The following PREX1 variants were observed in gnomAD, a reference collection of about 807,000 sequenced individuals.
PREX1 encodes the protein phosphatidylinositol 3,4,5-trisphosphate-dependent Rac exchanger 1 protein.
Under a neutral mutation model 198.3 loss-of-function variants are expected in PREX1, and 41 were observed. The observed-to-expected ratio is 0.21, with a 90% CI of 0.16 to 0.27. The LOEUF (loss-of-function observed/expected upper bound fraction) is 0.27. PREX1 is among the 10% of genes least tolerant of loss of function. PREX1 has a pLI of 1.00. For missense variants in PREX1, 1,620 were observed against 2,200.7 expected, an observed-to-expected ratio of 0.74 and a Z score of 5.28; for synonymous variants, 843 against 887.2, an observed-to-expected ratio of 0.95 and a Z score of 0.89.
chr20:48,655,378 G>T lies in PREX1; in HGVS notation c.2124-3C>A. 6.4e-7 allele frequency: 1 copy of T among 1,554,992 alleles called. No individual in the cohort carries two copies. Among genetic ancestry groups the T allele is most frequent in the Non-Finnish European group, 8.7e-7 (1 of 1,144,278 alleles). On this transcript the variant is annotated splice_polypyrimidine_tract_variant and splice_region_variant and intron_variant, in intron 18 of 39. Transcript: ENST00000371941. Reference sequence around the variant, plus strand: ...GCTGGTCGGGGATTTTGATGATCCTGCACCAGGTAGAAGAGGCAGGGAAAA... The same window carrying T: ...GCTGGTCGGGGATTTTGATGATCCTTCACCAGGTAGAAGAGGCAGGGAAAA...
the PREX1 span, among the ~76,000 whole-genome samples, chr20:48,863,754 A>T: frequency 6.6e-6 from 1 of 151,610 alleles, no homozygotes; most frequent in Non-Finnish European, 1.5e-5. Flanking sequence ...CGCCTGGCTA[A>T]TTTTTGTATT....
intron 7 of PREX1, among the ~76,000 whole-genome samples, chr20:48,695,219 T>A (rs866755930): frequency 1.1e-4 from 17 of 152,310 alleles, no homozygotes; most frequent in South Asian, 8.3e-4. Context: ...CCCCATAGAT[T>A]TGCTTTGCCT....
chr20:48,710,674 T>C (rs369938113), intron 5 of PREX1, among the ~76,000 whole-genome samples: 26 of 152,334 alleles, frequency 1.7e-4, no homozygotes, highest in African/African-American at 5.5e-4. Context: ...CAAATAAATA[T>C]ATAATTTATA....
rs140171384 is a variant in PREX1 at position 48,692,624 on chromosome 20, GCAGGCAGGGCT to G, written c.1036+37_1036+47del. 7.7e-3 allele frequency: 10,813 copies of G among 1,409,168 alleles called. 635 individuals carry two copies. In the African/African-American group the frequency reaches 0.13, roughly 17 times the overall value. The allele number at this position is 1,409,168 out of a possible 1,614,324, so 87.3% of individuals were successfully genotyped here. ...AATGAAACAGAGAGAGTGCCAGGGA[GCAGGCAGGGCT>G]CAGGCAGGGCTCAGGCAAGGCTGGG... On this transcript the variant is annotated intron_variant, in intron 8 of 39. Transcript: ENST00000371941.
At chr20:48,797,403 C>G (rs2090367916) in intron 1 of PREX1, among the ~76,000 whole-genome samples, 1 of 150,122 alleles carries the variant, frequency 6.7e-6, no homozygotes, top group Admixed American at 6.7e-5. Flanking sequence ...CCCCAGGGCT[C>G]CAGCCCCCTC....
chr20:48,634,905 TG>T, intron 32 of PREX1, 130 bp from the exon 33 acceptor site: 1 of 705,724 alleles, frequency 1.4e-6, no homozygotes, highest in Non-Finnish European at 2.5e-6. Context: ...GTCCTGAGCG[TG>T]ACTCTCCAGA....
chr20:48,681,739 G>C (rs1471668604), intron 10 of PREX1, among the ~76,000 whole-genome samples: 1 of 149,840 alleles, frequency 6.7e-6, no homozygotes, highest in Admixed American at 6.7e-5. Context: ...CAGACAGCCA[G>C]CAGCACATGG....
the PREX1 span, among the ~76,000 whole-genome samples, chr20:48,848,894 G>A: frequency 3.3e-5 from 5 of 152,042 alleles, no homozygotes; most frequent in Non-Finnish European, 7.4e-5. Flanking sequence ...ACACCACTGT[G>A]CTCAGCTAAT....
intron 5 of PREX1, among the ~76,000 whole-genome samples, chr20:48,725,461 C>G (rs780257140): frequency 2.0e-4 from 30 of 152,368 alleles, no homozygotes; most frequent in Non-Finnish European, 1.0e-4. Context: ...AGCAGCAAAC[C>G]TTCCCTGCTT....
chr20:48,658,057 C>T (rs987446778), intron 17 of PREX1, 79 bp downstream of exon 17: 1 of 1,356,844 alleles, frequency 7.4e-7, no homozygotes, highest in African/African-American at 1.5e-5. Context: ...CTGGGCTGGG[C>T]TGCCTCAAGG....
chr20:48,791,562 T>C (rs555277465), intron 1 of PREX1, among the ~76,000 whole-genome samples: 4 of 152,242 alleles, frequency 2.6e-5, no homozygotes, highest in African/African-American at 9.6e-5. Flanking sequence ...CCAGCTGCCA[T>C]GGGGGTCCTC....
chr20:48,761,110 T>C (rs985413685), intron 1 of PREX1, among the ~76,000 whole-genome samples: 6 of 151,130 alleles, frequency 4.0e-5, no homozygotes, highest in Non-Finnish European at 4.5e-5. Flanking sequence ...GAAGATGGCA[T>C]TTGAGCAGAC....
chr20:48,699,035 G>C (rs1568829811), intron 7 of PREX1, among the ~76,000 whole-genome samples: 2 of 152,160 alleles, frequency 1.3e-5, no homozygotes, highest in African/African-American at 4.8e-5. Flanking sequence ...CTTTACAGAA[G>C]AGAAAACAAA....
chr20:48,864,994 A>G, the PREX1 span, among the ~76,000 whole-genome samples: 1 of 152,056 alleles, frequency 6.6e-6, no homozygotes, highest in Non-Finnish European at 1.5e-5. Flanking sequence ...GAAGCCACAC[A>G]CCTCAGGCAA....
At position 48,679,520 on chromosome 20, in the gene PREX1, G is replaced by C. The variant is rs550768317; in HGVS notation, c.1540-111C>G. 1.4e-5 allele frequency: 20 copies of C among 1,392,230 alleles called. No homozygotes were observed. The South Asian group carries it at 2.0e-4, about 14-fold the overall frequency. The allele number at this position is 1,392,230 out of a possible 1,614,324, so 86.2% of individuals were successfully genotyped here. A position where few individuals can be genotyped will look rare whatever the true frequency, so the allele number is the denominator to read the frequency against. ...CAGGACGGGGCAGGGCAGGGTAATG[G>C]GGGCAGGGGTGAGTTGTGGGCAGTG... On this transcript the variant is annotated intron_variant, in intron 12 of 39. Transcript: ENST00000371941.
chr20:48,852,216 A>C, the PREX1 span, among the ~76,000 whole-genome samples: 1 of 152,276 alleles, frequency 6.6e-6, no homozygotes, highest in South Asian at 2.1e-4. Context: ...CTACAGTCAA[A>C]GGTTAAGGAT....
In PREX1 at chr20:48,672,437, G is replaced by GC. The variant is rs529609213; in HGVS notation, c.1665+3755dup. Among the ~76,000 whole-genome samples the GC allele has an allele frequency of 3.4e-4, 52 of 152,364 alleles. No individual in the cohort carries two copies. The Middle Eastern group carries it at 0.01, about 30-fold the overall frequency. On this transcript the variant is annotated intron_variant, in intron 14 of 39. Transcript: ENST00000371941. Reference sequence around the variant, plus strand: ...GTTGCCTCCTACTGCCCTCCCTGCTGCCAGCATCATCCCTAAAGTCTCCAC... The same window carrying GC: ...GTTGCCTCCTACTGCCCTCCCTGCTGCCCAGCATCATCCCTAAAGTCTCCAC...
intron 1 of PREX1, among the ~76,000 whole-genome samples, chr20:48,748,769 TG>T (rs1003905958): frequency 6.6e-6 from 1 of 152,188 alleles, no homozygotes; most frequent in African/African-American, 2.4e-5. Flanking sequence ...ACCATTCATG[TG>T]GGGTCACGTG....
rs1304347957 is a variant in PREX1 at position 48,827,780 on chromosome 20, G to C, written c.81C>G (p.Ala27=). The part of the protein sequence containing the change: ...CAHPDPRAPG[A]AAPSSGPGPC... ...GGCCGGGGCCGGAGCTGGGCGCCGC[G>C]GCGCCAGGGGCCCGGGGGTCCGGGT... Residue 27 remains alanine, a synonymous_variant, in exon 1 of 40, where the codon GCC becomes GCG. Transcript: ENST00000371941. The surrounding 1 kb of genome is among the most constrained non-coding windows in gnomAD (Gnocchi z 4.1). 1.8e-6 allele frequency: 2 copies of C among 1,142,314 alleles called. No individual in the cohort carries two copies. The highest frequency in any genetic ancestry group is 2.2e-6 in the Non-Finnish European group (2 of 923,316). 70.8% of individuals were successfully genotyped at this position (1,142,314 alleles called of 1,614,324 possible).
Sources: gnomAD v4.1 joint callset for allele counts (sites outside exome capture counted in the v4.1 genomes callset) on GRCh38, gnomAD v4.1.1 for gene constraint, Gnocchi (gnomAD v3.1) non-coding constraint, MANE v1.5 for transcripts, NCBI Gene and HGNC (gene_info 2026-07-23, HGNC 2026-07-21) for gene names.